Variants in BCAS3 observed in about 807,000 individuals in gnomAD.
BCAS3 encodes BCAS4/BCAS3 fusion.
A neutral mutation model predicts 116.1 loss-of-function variants in BCAS3; 53 were observed. The observed-to-expected ratio is 0.46, with a 90% CI of 0.37 to 0.57. The LOEUF is 0.57. Ranked by LOEUF, BCAS3 falls within the 20% of genes least tolerant of loss-of-function variation. The probability of loss-of-function intolerance (pLI) is 0.00; values close to 1 mark genes in which losing one functional copy is unlikely to be tolerated. For synonymous variants in BCAS3, 391 were observed against 408.2 expected (o/e 0.96, Z 0.51); for missense variants, 917 against 1,165.4 (o/e 0.79, Z 3.10).
At position 61,276,673 on chromosome 17, in the gene BCAS3, A is replaced by G. The variant is rs1300389359; in HGVS notation, c.2426-91654A>G. 6.6e-6 allele frequency among the ~76,000 whole-genome samples: 1 copy of G among 152,238 alleles called. No individual in the cohort carries two copies. The highest frequency in any genetic ancestry group is 2.4e-5 in the African/African-American group (1 of 41,470). ...TGATCTCTATCAAAATCTCTATCAA[A>G]TAAGCTGACTTATTTGCAGAAATTG... On this transcript the variant is annotated intron_variant, in intron 22 of 23. Coordinates refer to ENST00000407086, the MANE Select transcript of BCAS3 (RefSeq NM_017679.5). The surrounding 1 kb of genome is among the most constrained non-coding windows in gnomAD (Gnocchi z 4.2).
At chr17:61,345,227 G>A (rs1206090937) in intron 22 of BCAS3, among the ~76,000 whole-genome samples, 1 of 152,224 alleles carries the variant, frequency 6.6e-6, no homozygotes, top group Non-Finnish European at 1.5e-5. Context: ...ACTCCTGCCT[G>A]CTCTCATCAG....
At chr17:60,714,208 T>C (rs1278033444) in intron 5 of BCAS3, among the ~76,000 whole-genome samples, 3 of 152,146 alleles carry the variant, frequency 2.0e-5, no homozygotes, top group African/African-American at 7.2e-5. Context: ...CCTCAGGCAG[T>C]CCTCCTGCCG....
intron 22 of BCAS3, among the ~76,000 whole-genome samples, chr17:61,351,720 G>C (rs749600729): frequency 1.2e-4 from 19 of 152,316 alleles, no homozygotes; most frequent in Non-Finnish European, 2.2e-4. Flanking sequence ...CCGCATCTCA[G>C]AATGGCTTAA....
chr17:61,262,467 G>A (rs1049294183), intron 22 of BCAS3, among the ~76,000 whole-genome samples: 4 of 150,948 alleles, frequency 2.6e-5, no homozygotes, highest in South Asian at 2.1e-4. Flanking sequence ...CACAACCTCC[G>A]CCTCCTGGAT....
chr17:61,016,027 A>G, intron 16 of BCAS3, 126 bp downstream of exon 16: 1 of 992,528 alleles, frequency 1.0e-6, no homozygotes, highest in South Asian at 1.7e-5. Context: ...ATAAGACTTA[A>G]TGGCATCAGA....
At chr17:60,756,805 G>A (rs1164214981) in intron 6 of BCAS3, among the ~76,000 whole-genome samples, 1 of 152,218 alleles carries the variant, frequency 6.6e-6, no homozygotes, top group East Asian at 1.9e-4. Context: ...GGATCATATG[G>A]TAGTTCTATT....
chr17:60,933,569 TC>T (rs1480463361), intron 13 of BCAS3, among the ~76,000 whole-genome samples: 1 of 152,204 alleles, frequency 6.6e-6, no homozygotes, highest in East Asian at 1.9e-4. Context: ...TTGAAATTCT[TC>T]TGGTTACTTA....
intron 7 of BCAS3, among the ~76,000 whole-genome samples, chr17:60,821,957 T>A (rs2050005582): frequency 6.6e-6 from 1 of 152,236 alleles, no homozygotes; most frequent in African/African-American, 2.4e-5. Flanking sequence ...TTCATTTTTA[T>A]TGTGAAATAT....
Position 61,241,304 on chromosome 17 carries a change from T to G in BCAS3, c.2426-127023T>G, listed in dbSNP as rs2047495491. Among the ~76,000 whole-genome samples, 1 of 152,110 alleles carries G rather than the reference T, an allele frequency of 6.6e-6. No individual in the cohort carries two copies. The stretch of plus-strand genomic sequence containing the variant: ...CTGTTTACCACCAAGTACCCACGTC[T>G]TCCTTTGGCTCTGTTGTCCTCTGCT... On this transcript the variant is annotated intron_variant, in intron 22 of 23. Coordinates refer to ENST00000407086, the MANE Select transcript of BCAS3 (RefSeq NM_017679.5). The surrounding 1 kb of genome is among the most constrained non-coding windows in gnomAD (Gnocchi z 4.6).
chr17:60,805,767 G>T (rs1272574508), intron 6 of BCAS3, among the ~76,000 whole-genome samples: 1 of 151,646 alleles, frequency 6.6e-6, no homozygotes, highest in Non-Finnish European at 1.5e-5. Flanking sequence ...GGCGGAGGTT[G>T]CAGCGAGCCC....
intron 7 of BCAS3, among the ~76,000 whole-genome samples, chr17:60,825,850 G>A (rs571237297): frequency 6.7e-6 from 1 of 148,646 alleles, no homozygotes; most frequent in East Asian, 2.0e-4. Context: ...CTATCTCTGG[G>A]GATTCAGTTT....
chr17:60,929,675 C>G lies in BCAS3; in HGVS notation c.1087+5175C>G, dbSNP rs949996980. Among the ~76,000 whole-genome samples, 6 of 148,496 alleles carry G rather than the reference C, an allele frequency of 4.0e-5. No individual in the cohort carries two copies. The East Asian group carries it at 8.0e-4, about 20-fold the overall frequency. On this transcript the variant is annotated intron_variant, in intron 13 of 23. Transcript: ENST00000407086. ...TGCTGGTGTGCTGCACCCATTAACT[C>G]GTCATTTAGCATTAGGTATATCTCC...
chr17:61,313,966 G>A lies in BCAS3; in HGVS notation c.2426-54361G>A, dbSNP rs1448440510. On this transcript the variant is annotated intron_variant, in intron 22 of 23. Transcript: ENST00000407086. This position sits in a 1 kb window ranked among gnomAD's most constrained non-coding sequence, Gnocchi z 4.3. ...GGGGGAAGCCGGCTGGCAGCACACAGGCCATTCCTCTTTTCCATTCAAAGA... is the reference window on the plus strand; with the variant it reads ...GGGGGAAGCCGGCTGGCAGCACACAAGCCATTCCTCTTTTCCATTCAAAGA... Among the ~76,000 whole-genome samples the A allele has an allele frequency of 1.3e-5, 2 of 152,206 alleles. No homozygotes were observed. The highest frequency in any genetic ancestry group is 4.8e-5 in the African/African-American group (2 of 41,450).
chr17:61,294,693 A>T (rs2052733016), intron 22 of BCAS3, among the ~76,000 whole-genome samples: 1 of 152,126 alleles, frequency 6.6e-6, no homozygotes, highest in Admixed American at 6.5e-5. Context: ...CTGTCCCTGT[A>T]TTTGTCTGGA....
At chr17:60,918,177 T>C (rs2058873604) in intron 12 of BCAS3, among the ~76,000 whole-genome samples, 1 of 152,186 alleles carries the variant, frequency 6.6e-6, no homozygotes, top group African/African-American at 2.4e-5. Context: ...ATGGCCATCC[T>C]AATGATGTAA....
Position 60,995,518 on chromosome 17 carries a change from A to G in BCAS3, c.1486+5283A>G, listed in dbSNP as rs748539850. Among the ~76,000 whole-genome samples the G allele has an allele frequency of 1.3e-4, 19 of 151,748 alleles. No individual in the cohort carries two copies. The highest frequency in any genetic ancestry group is 8.5e-4 in the Admixed American group (13 of 15,210). On this transcript the variant is annotated intron_variant, in intron 15 of 23. Coordinates refer to ENST00000407086, the MANE Select transcript of BCAS3 (RefSeq NM_017679.5). This position sits in a 1 kb window ranked among gnomAD's most constrained non-coding sequence, Gnocchi z 4.7. ...TCACAATGTTGGCCAGGCTGGTCTCAAACTCCTGACCTCAAGTGATCCACC... is the reference window on the plus strand; with the variant it reads ...TCACAATGTTGGCCAGGCTGGTCTCGAACTCCTGACCTCAAGTGATCCACC...
chr17:61,020,356 A>C lies in BCAS3; in HGVS notation c.1637+4455A>C, dbSNP rs1324204559. ...ACTACAAATAGCAGAAGACAGATGT[A>C]TTTACACCTTCTTGTTCAGTACCTT... On this transcript the variant is annotated intron_variant, in intron 16 of 23. Transcript: ENST00000407086. The surrounding 1 kb of genome is among the most constrained non-coding windows in gnomAD (Gnocchi z 4.5). Among the ~76,000 whole-genome samples the C allele has an allele frequency of 6.6e-6, 1 of 152,218 alleles. No homozygotes were observed. The highest frequency in any genetic ancestry group is 1.5e-5 in the Non-Finnish European group (1 of 68,040).
At chr17:61,036,275 G>C (rs2067022460) in intron 17 of BCAS3, 1 of 152,122 alleles carries the variant, frequency 6.6e-6, no homozygotes, top group African/African-American at 2.4e-5. Flanking sequence ...TGGCAAAATG[G>C]CTCTCCTTTA....
rs183362831 is a variant in BCAS3, at chr17:61,135,454, A to C, written c.2425+50890A>C. On this transcript the variant is annotated intron_variant, in intron 22 of 23. Coordinates refer to ENST00000407086, the MANE Select transcript of BCAS3 (RefSeq NM_017679.5). ...GTATTACAAACAAGCTAATGACAAA[A>C]TTTAGGCCCATGTGCATTTGTTATT... 7.2e-5 allele frequency among the ~76,000 whole-genome samples: 11 copies of C among 152,346 alleles called. No homozygotes were observed. The East Asian group carries it at 2.1e-3, about 29-fold the overall frequency.
Sources: gnomAD v4.1 joint callset for allele counts (sites outside exome capture counted in the v4.1 genomes callset) on GRCh38, gnomAD v4.1.1 for gene constraint, Gnocchi (gnomAD v3.1) non-coding constraint, MANE v1.5 for transcripts, NCBI Gene and HGNC (gene_info 2026-07-23, HGNC 2026-07-21) for gene names.